MEGF11: variants seen among roughly 807,000 people sequenced by gnomAD.
MEGF11 encodes multiple epidermal growth factor-like domains protein 11.
A neutral mutation model predicts 146.6 loss-of-function variants in MEGF11; 126 were observed. The ratio of observed to expected loss-of-function variants is 0.86; its 90% CI spans 0.74 to 1.00. The LOEUF is 1.00. Among genes scored for constraint, MEGF11 ranks in the 50% least tolerant of loss-of-function variants. The pLI, the probability that MEGF11 is intolerant of heterozygous loss-of-function variation, is 0.00. For missense variants in MEGF11, 1,509 were observed against 1,521.2 expected (o/e 0.99, Z 0.13); for synonymous variants, 532 against 583.4 (o/e 0.91, Z 1.27).
At chr15:66,147,656 A>C (rs1292290026) in intron 1 of MEGF11, among the ~76,000 whole-genome samples, 4 of 152,206 alleles carry the variant, frequency 2.6e-5, no homozygotes, top group African/African-American at 9.6e-5. Context: ...AGGTGCACCG[A>C]GGCAGCAGAA....
At position 65,982,427 on chromosome 15, in the gene MEGF11, G is replaced by C; in HGVS notation, c.456C>G (p.Ala152=). Residue 152 remains alanine, a synonymous_variant, in exon 6 of 26, where the codon GCC becomes GCG. Transcript: ENST00000395614. This position sits in a 1 kb window ranked among gnomAD's most constrained non-coding sequence, Gnocchi z 5.6. ...CSNRCQCQNG[A]LCNPITGACV... is the part of the protein sequence containing the mutation. Reference sequence around the variant, plus strand: ...AGGCGCCTGTGATGGGGTTACACAGGGCGCCGTTCTGGCACTGGCACCGGT... The same window carrying C: ...AGGCGCCTGTGATGGGGTTACACAGCGCGCCGTTCTGGCACTGGCACCGGT... The C allele has an allele frequency of 6.7e-7, 1 of 1,501,530 alleles. No individual in the cohort carries two copies. The highest frequency in any genetic ancestry group is 1.3e-5 in the South Asian group (1 of 78,168). 93.0% of individuals were successfully genotyped at this position (1,501,530 alleles called of 1,614,324 possible). A position where few individuals can be genotyped will look rare whatever the true frequency, so the allele number is the denominator to read the frequency against.
intron 7 of MEGF11, among the ~76,000 whole-genome samples, chr15:65,978,576 C>G (rs2141663656): frequency 6.6e-6 from 1 of 152,340 alleles, no homozygotes; most frequent in Middle Eastern, 3.4e-3. Flanking sequence ...AGCAGTGTCT[C>G]CAGAGAGGCC....
chr15:65,909,965 G>A (rs1464087712), intron 21 of MEGF11, 159 bp from the exon 22 acceptor site: 1 of 710,028 alleles, frequency 1.4e-6, no homozygotes, highest in Non-Finnish European at 2.5e-6. Context: ...TTCCATGACA[G>A]GCCACCATGG....
At chr15:66,086,158 A>G (rs1371436725) in intron 5 of MEGF11, among the ~76,000 whole-genome samples, 1 of 152,222 alleles carries the variant, frequency 6.6e-6, no homozygotes, top group East Asian at 1.9e-4. Context: ...GAAGTCTGGG[A>G]TTATATTAAA....
intron 7 of MEGF11, among the ~76,000 whole-genome samples, chr15:65,976,753 G>A (rs1314787129): frequency 2.6e-5 from 4 of 152,198 alleles, no homozygotes; most frequent in Non-Finnish European, 5.9e-5. Flanking sequence ...TTGGACTGCT[G>A]TGGCATCTAG....
At chr15:65,915,725 T>C in intron 18 of MEGF11, 127 bp from the exon 19 acceptor site, 6 of 1,219,160 alleles carry the variant, frequency 4.9e-6, no homozygotes, top group Non-Finnish European at 4.5e-6. Context: ...CCTTAGCTCC[T>C]GTTGAGGAGC....
chr15:66,003,982 A>G lies in MEGF11; in HGVS notation c.395-21494T>C, dbSNP rs554919044. On this transcript the variant is annotated intron_variant, in intron 5 of 25. Transcript: ENST00000395614. ...TTCAGTTATCTTGGCCATGACTCAA[A>G]TTTCTCATATGGAAAAGGGGGTAGG... Among the ~76,000 whole-genome samples, 4 of 152,258 alleles carry G rather than the reference A, an allele frequency of 2.6e-5. No individual in the cohort carries two copies. The South Asian group carries it at 6.2e-4, about 24-fold the overall frequency.
chr15:66,069,252 A>G (rs1196569775), intron 5 of MEGF11, among the ~76,000 whole-genome samples: 2 of 152,258 alleles, frequency 1.3e-5, no homozygotes, highest in Non-Finnish European at 2.9e-5. Flanking sequence ...GGAAGTCGTC[A>G]CAGTGAATGA....
chr15:66,246,192 G>A (rs1218402291), intron 1 of MEGF11, among the ~76,000 whole-genome samples: 3 of 152,202 alleles, frequency 2.0e-5, no homozygotes, highest in Non-Finnish European at 4.4e-5. Flanking sequence ...GAGAGGGAGA[G>A]TTTGCAATGA....
intron 1 of MEGF11, among the ~76,000 whole-genome samples, chr15:66,157,259 A>G (rs1040706401): frequency 1.3e-5 from 2 of 152,178 alleles, no homozygotes; most frequent in Non-Finnish European, 2.9e-5. Flanking sequence ...CTCACTCCCA[A>G]GGGAGCCATT....
At chr15:66,170,537 C>T (rs2141112513) in intron 1 of MEGF11, among the ~76,000 whole-genome samples, 1 of 152,354 alleles carries the variant, frequency 6.6e-6, no homozygotes, top group Middle Eastern at 3.4e-3. Context: ...TGTGACCTCT[C>T]TGGGCTTCAG....
chr15:66,032,554 C>T (rs1033826171), intron 5 of MEGF11, among the ~76,000 whole-genome samples: 2 of 152,182 alleles, frequency 1.3e-5, no homozygotes, highest in Non-Finnish European at 2.9e-5. Context: ...TAGAAATATG[C>T]ATAGCAAAGG....
intron 5 of MEGF11, among the ~76,000 whole-genome samples, chr15:66,077,101 GC>G (rs1427018221): frequency 2.0e-5 from 3 of 152,192 alleles, no homozygotes; most frequent in Non-Finnish European, 4.4e-5. Flanking sequence ...TAATGCCAGA[GC>G]CCCTTGGGCT....
chr15:65,905,974 G>T lies in MEGF11; in HGVS notation c.3055+111C>A, dbSNP rs538169597. 220 of 840,268 alleles carry T rather than the reference G, an allele frequency of 2.6e-4. No homozygotes were observed. The African/African-American group carries it at 3.4e-3, about 13-fold the overall frequency. 52.1% of individuals were successfully genotyped at this position (840,268 alleles called of 1,614,324 possible). On this transcript the variant is annotated intron_variant, in intron 24 of 25. Transcript: ENST00000395614. ...GCCCTGTGGTCTTTTAACCTTCTGT[G>T]GGGGGCAGGCACACACAGTTTGTCT... is the stretch of plus-strand genomic sequence containing the variant.
At chr15:66,022,844 T>A (rs1309405807) in intron 5 of MEGF11, among the ~76,000 whole-genome samples, 13 of 28,258 alleles carry the variant, frequency 4.6e-4, no homozygotes, top group Middle Eastern at 0.038. Flanking sequence ...CAAGACCCTG[T>A]CTCAAAAAAA....
chr15:65,954,901 C>T (rs2080526121), intron 10 of MEGF11, among the ~76,000 whole-genome samples: 1 of 152,172 alleles, frequency 6.6e-6, no homozygotes, highest in Non-Finnish European at 1.5e-5. Flanking sequence ...AGCAGACACA[C>T]AGACAATGTA....
In MEGF11 at chr15:65,897,973, C is replaced by G; in HGVS notation, c.3384G>C (p.Gln1128His). Residue 1128 changes from glutamine (Q) to histidine (H), a missense_variant, in exon 26 of 26, where the codon CAG (glutamine) becomes CAC (histidine). Coordinates refer to ENST00000395614, the MANE Select transcript of MEGF11 (RefSeq NM_001385028.1). ...PGHYDLLPVR[Q>H]SPANGPSQDK... is the part of the protein sequence containing the mutation. Reference sequence around the variant, plus strand: ...CCTGGGACGGCCCATTGGCAGGGCTCTGTCTTACTGGGAGGAGGTCATAAT... The same window carrying G: ...CCTGGGACGGCCCATTGGCAGGGCTGTGTCTTACTGGGAGGAGGTCATAAT... 1 of 1,613,988 alleles carries G rather than the reference C, an allele frequency of 6.2e-7. No homozygotes were observed. Among genetic ancestry groups the G allele is most frequent in the Non-Finnish European group, 8.5e-7 (1 of 1,179,866 alleles).
At chr15:65,979,077 T>G (rs2081548339) in intron 7 of MEGF11, among the ~76,000 whole-genome samples, 1 of 152,118 alleles carries the variant, frequency 6.6e-6, no homozygotes, top group African/African-American at 2.4e-5. Context: ...ATTAGGCTCC[T>G]GCCCCCACTC....
intron 5 of MEGF11, among the ~76,000 whole-genome samples, chr15:66,053,842 C>T (rs1019781446): frequency 6.7e-6 from 1 of 149,664 alleles, no homozygotes; most frequent in African/African-American, 2.5e-5. Context: ...GATCCTCCTA[C>T]CTTAGCCTCC....
Sources: gnomAD v4.1 joint callset for allele counts (sites outside exome capture counted in the v4.1 genomes callset) on GRCh38, gnomAD v4.1.1 for gene constraint, Gnocchi (gnomAD v3.1) non-coding constraint, MANE v1.5 for transcripts, NCBI Gene and HGNC (gene_info 2026-07-23, HGNC 2026-07-21) for gene names.